The following ADARB1 variants were observed in gnomAD, a reference collection of about 807,000 sequenced individuals.
ADARB1 encodes adenosine deaminase RNA specific B1.
In ADARB1, 10 loss-of-function variants were observed where a neutral mutation model predicts 52.4. The ratio of observed to expected loss-of-function variants is 0.19; its 90% CI spans 0.12 to 0.32. The LOEUF (loss-of-function observed/expected upper bound fraction) is 0.32, where lower values mean the gene tolerates loss of function less well. Ranked by LOEUF, ADARB1 falls within the 10% of genes least tolerant of loss-of-function variation. The pLI is 1.00. For missense variants in ADARB1, 643 were observed against 922.3 expected (o/e 0.70, Z 3.92); for synonymous variants, 349 against 371.1 (o/e 0.94, Z 0.68).
intron 2 of ADARB1, among the ~76,000 whole-genome samples, chr21:45,150,160 G>A (rs1020006205): frequency 3.5e-4 from 54 of 152,330 alleles, no homozygotes; most frequent in African/African-American, 1.1e-3. Context: ...GGTGGCGCAC[G>A]CTACTTGGGA....
chr21:45,225,026 AC>A lies in ADARB1; in HGVS notation c.*2830del. The A allele has an allele frequency of 3.0e-6, 3 of 985,654 alleles. No homozygotes were observed. The highest frequency in any genetic ancestry group is 3.6e-6 in the Non-Finnish European group (3 of 830,154). 61.1% of individuals were successfully genotyped at this position (985,654 alleles called of 1,614,324 possible). A position where few individuals can be genotyped will look rare whatever the true frequency, so the allele number is the denominator to read the frequency against. On this transcript the variant is annotated 3_prime_UTR_variant, in exon 11 of 11. Transcript: ENST00000348831. ...ACTTGATTTTTTAAGAAAAAATATT[AC>A]ATTTTGAGGACATTTTGACAAGTAG...
chr21:45,151,786 T>A (rs921857958), intron 2 of ADARB1, among the ~76,000 whole-genome samples: 1 of 152,162 alleles, frequency 6.6e-6, no homozygotes, highest in African/African-American at 2.4e-5. Context: ...TGCATGTACA[T>A]GTGTGTGATG....
At chr21:45,148,499 A>G (rs2090121986) in intron 2 of ADARB1, among the ~76,000 whole-genome samples, 1 of 152,190 alleles carries the variant, frequency 6.6e-6, no homozygotes, top group South Asian at 2.1e-4. Flanking sequence ...GTCGTAAAGT[A>G]TGTCAGGAAG....
rs566192675 is a variant in ADARB1, at chr21:45,224,769, G to A, written c.*2572G>A. ...GGAAGGTGACGTGCAGGGGACCAGA[G>A]GCTCTGCACTGCTCCTAGGACAGCT... On this transcript the variant is annotated 3_prime_UTR_variant, in exon 11 of 11. Transcript: ENST00000348831. The A allele has an allele frequency of 1.6e-3, 1,582 of 982,430 alleles. 5 individuals are homozygous for A. The highest frequency in any genetic ancestry group is 1.8e-3 in the Non-Finnish European group (1,524 of 829,474). The allele number at this position is 982,430 out of a possible 1,614,324, so 60.9% of individuals were successfully genotyped here.
intron 8 of ADARB1, among the ~76,000 whole-genome samples, chr21:45,187,186 ATTTCTTTCAGCAGTG>A (rs1281397260): frequency 6.6e-6 from 1 of 152,138 alleles, no homozygotes; most frequent in African/African-American, 2.4e-5. Flanking sequence ...TTGTATCTTC[ATTTCTTTCAGCAGTG>A]TTTTATAATT....
intron 1 of ADARB1, among the ~76,000 whole-genome samples, chr21:45,124,629 C>T (rs1172074522): frequency 2.0e-5 from 3 of 152,158 alleles, no homozygotes; most frequent in Non-Finnish European, 2.9e-5. Context: ...CTGCCTGCCT[C>T]GGCCTCCCAA....
chr21:45,188,114 C>CT (rs984248972), intron 8 of ADARB1, among the ~76,000 whole-genome samples: 32 of 147,292 alleles, frequency 2.2e-4, no homozygotes, highest in South Asian at 1.3e-3. Flanking sequence ...TGGTCCTGGG[C>CT]TTTTTTTTTT....
At chr21:45,106,255 T>C (rs779042791) in intron 1 of ADARB1, among the ~76,000 whole-genome samples, 10 of 152,146 alleles carry the variant, frequency 6.6e-5, no homozygotes, top group Non-Finnish European at 1.3e-4. Context: ...TAAAGCCTTT[T>C]TATGATATTT....
intron 1 of ADARB1, among the ~76,000 whole-genome samples, chr21:45,105,188 C>T (rs2087194942): frequency 6.6e-6 from 1 of 152,150 alleles, no homozygotes; most frequent in South Asian, 2.1e-4. Context: ...AAAACCTCTA[C>T]CTCCTGGGGT....
chr21:45,179,935 G>A (rs9983577), intron 4 of ADARB1, among the ~76,000 whole-genome samples: 8,285 of 152,178 alleles, frequency 0.054, 276 homozygotes, highest in African/African-American at 0.079. Context: ...AGAGGGCAAG[G>A]GGGGTGGGAG....
Position 45,204,808 on chromosome 21 carries a change from A to T in ADARB1, c.1747+72A>T. 1 of 1,499,606 alleles carries T rather than the reference A, an allele frequency of 6.7e-7. No homozygotes were observed. Among genetic ancestry groups the T allele is most frequent in the Non-Finnish European group, 9.1e-7 (1 of 1,096,764 alleles). The allele number at this position is 1,499,606 out of a possible 1,614,324, so 92.9% of individuals were successfully genotyped here. ...CAATGTTTTCATCCTCATGAATGAAAAAAACACCACCTGAGCTGCTCTGTG... is the reference window on the plus strand; with the variant it reads ...CAATGTTTTCATCCTCATGAATGAATAAAACACCACCTGAGCTGCTCTGTG... On this transcript the variant is annotated intron_variant, in intron 9 of 10. Coordinates refer to ENST00000348831, the MANE Select transcript of ADARB1 (RefSeq NM_001112.4). The surrounding 1 kb of genome is among the most constrained non-coding windows in gnomAD (Gnocchi z 4.4).
rs1568998376 is a variant in ADARB1 at position 45,091,213 on chromosome 21, CT to C, written c.-220+16421del. Among the ~76,000 whole-genome samples, 3 of 152,214 alleles carry C rather than the reference CT, an allele frequency of 2.0e-5. 1 individual carries two copies. Among genetic ancestry groups the C allele is most frequent in the Non-Finnish European group, 4.4e-5 (3 of 68,038 alleles). ...TTTGACCGTCCTTGCCAATTTTCCC[CT>C]AACTCAGACATCCACTTGTCTTTGC... On this transcript the variant is annotated intron_variant, in intron 1 of 10. Transcript: ENST00000348831.
At chr21:45,215,623 G>T (rs1363446462) in intron 9 of ADARB1, among the ~76,000 whole-genome samples, 1 of 151,866 alleles carries the variant, frequency 6.6e-6, no homozygotes, top group East Asian at 1.9e-4. Context: ...AATGAGATGA[G>T]CATTTAGTTC....
At chr21:45,118,576 G>T (rs406923) in intron 1 of ADARB1, 143,830 of 152,274 alleles carry the variant, frequency 0.94, 67,966 homozygotes, top group East Asian at 0.98. Context: ...TCTAGTGTTG[G>T]TAATGAGAAG....
chr21:45,094,445 T>C (rs1479044130), intron 1 of ADARB1, among the ~76,000 whole-genome samples: 10 of 152,216 alleles, frequency 6.6e-5, no homozygotes, highest in Admixed American at 5.9e-4. Context: ...TAGGATACTT[T>C]TGAATGATAG....
chr21:45,089,870 C>G (rs1325690996), intron 1 of ADARB1, among the ~76,000 whole-genome samples: 2 of 152,166 alleles, frequency 1.3e-5, no homozygotes, highest in East Asian at 3.8e-4. Context: ...ATGGAGGATC[C>G]TTTTGGGAAC....
intron 9 of ADARB1, among the ~76,000 whole-genome samples, chr21:45,218,954 A>G (rs2092915840): frequency 6.6e-6 from 1 of 152,240 alleles, no homozygotes; most frequent in African/African-American, 2.4e-5. Flanking sequence ...GATATGAATT[A>G]TCAAGCTCAA....
rs532827669 is a variant in ADARB1 at position 45,175,629 on chromosome 21, C to T, written c.29-101C>T. ...AGGAATAAAATTTATAAGCACACAT[C>T]ACTTAACCAGTTACAAAGAGAGCTA... On this transcript the variant is annotated intron_variant, in intron 3 of 10. Coordinates refer to ENST00000348831, the MANE Select transcript of ADARB1 (RefSeq NM_001112.4). 4.2e-6 allele frequency: 5 copies of T among 1,177,986 alleles called. No homozygotes were observed. In the South Asian group the frequency reaches 7.2e-5, roughly 17 times the overall value. The allele number at this position is 1,177,986 out of a possible 1,614,324, so 73.0% of individuals were successfully genotyped here.
At position 45,115,923 on chromosome 21, in the gene ADARB1, C is replaced by T. The variant is rs12483135; in HGVS notation, c.-219-12479C>T. ...GCTTGCTCATCTTTTAAGGGTATTT[C>T]TTCCCCCTGCAAAGCAAAATGCTGA... On this transcript the variant is annotated intron_variant, in intron 1 of 10. Coordinates refer to ENST00000348831, the MANE Select transcript of ADARB1 (RefSeq NM_001112.4). 3.1e-3 allele frequency among the ~76,000 whole-genome samples: 478 copies of T among 152,334 alleles called. 4 individuals are homozygous for T. The highest frequency in any genetic ancestry group is 0.014 in the Middle Eastern group (4 of 294).
Sources: gnomAD v4.1 joint callset for allele counts (sites outside exome capture counted in the v4.1 genomes callset) on GRCh38, gnomAD v4.1.1 for gene constraint, Gnocchi (gnomAD v3.1) non-coding constraint, MANE v1.5 for transcripts, NCBI Gene and HGNC (gene_info 2026-07-23, HGNC 2026-07-21) for gene names.